Variants in VPS13D observed in about 807,000 individuals in gnomAD.
VPS13D encodes vacuolar protein sorting 13 homolog D.
Under a neutral mutation model 461.9 loss-of-function variants are expected in VPS13D, and 187 were observed. That is an observed-to-expected ratio of 0.40 (90% CI 0.36 to 0.46). The LOEUF (loss-of-function observed/expected upper bound fraction) is 0.46, where lower values mean the gene tolerates loss of function less well. Ranked by LOEUF, VPS13D falls within the 20% of genes least tolerant of loss-of-function variation. The probability of loss-of-function intolerance (pLI) is 0.60; values close to 1 mark genes in which losing one functional copy is unlikely to be tolerated. For missense variants in VPS13D, 4,711 were observed against 5,364.9 expected, an observed-to-expected ratio of 0.88 and a Z score of 3.81; for synonymous variants, 1,951 against 1,986.3, an observed-to-expected ratio of 0.98 and a Z score of 0.47.
intron 39 of VPS13D, 83 bp from the exon 40 acceptor site, chr1:12,338,148 T>C: frequency 8.1e-7 from 1 of 1,239,718 alleles, no homozygotes. Context: ...ATGTTCTCTA[T>C]TTGTGCTTAT....
Position 12,369,652 on chromosome 1 carries a change from G to T in VPS13D, c.10758G>T (p.Gln3586His). The T allele has an allele frequency of 6.2e-7, 1 of 1,614,156 alleles. No individual in the cohort carries two copies. The highest frequency in any genetic ancestry group is 8.5e-7 in the Non-Finnish European group (1 of 1,180,028). The change falls in exon 54 of 70, where the codon CAG (glutamine) becomes CAT (histidine). Residue 3586 changes from glutamine to histidine, a missense_variant. This residue lies in a region of VPS13D where 4,411 missense variants were observed against 4,937.8 expected (regional missense o/e 0.89). Coordinates refer to ENST00000620676, the MANE Select transcript of VPS13D (RefSeq NM_015378.4). ...CNMNDFQDNRQLYYENFIYIA... is the reference protein window; with the variant it reads ...CNMNDFQDNRHLYYENFIYIA... ...TGAATGATTTCCAGGATAATCGGCA[G>T]CTTTATTATGAAAATTTCATTTACA...
Position 12,283,285 on chromosome 1 carries a change from A to ACATG in VPS13D, c.5184_5187dup (p.Glu1730HisfsTer6). 1 of 1,614,076 alleles carries ACATG rather than the reference A, an allele frequency of 6.2e-7. No homozygotes were observed. Among genetic ancestry groups the ACATG allele is most frequent in the Non-Finnish European group, 8.5e-7 (1 of 1,179,988 alleles). ...GATATGCCTCGGTCTCTCCCTTCCC[A>ACATG]CATGGAAGAAGCTCCTAATGTCTTC... On this transcript the variant is annotated frameshift_variant, in exon 21 of 70. Transcript: ENST00000620676. LOFTEE classifies it high-confidence loss of function.
intron 67 of VPS13D, among the ~76,000 whole-genome samples, chr1:12,476,960 G>A (rs1257468770): frequency 6.6e-6 from 1 of 152,202 alleles, no homozygotes; most frequent in South Asian, 2.1e-4. Flanking sequence ...AGGAGGAAGC[G>A]TGACTTTTCA....
At chr1:12,275,102 C>G (rs1281441600) in intron 18 of VPS13D, among the ~76,000 whole-genome samples, 1 of 152,136 alleles carries the variant, frequency 6.6e-6, no homozygotes, top group East Asian at 1.9e-4. Flanking sequence ...ACATGTAATC[C>G]CAGCTGTCCG....
intron 40 of VPS13D, 41 bp from the exon 41 acceptor site, chr1:12,341,739 G>A: frequency 1.3e-6 from 2 of 1,593,448 alleles, no homozygotes; most frequent in Non-Finnish European, 1.7e-6. Context: ...CTGCCATGCA[G>A]ATAGGGGCGT....
chr1:12,271,874 G>A (rs1641452478), intron 17 of VPS13D, among the ~76,000 whole-genome samples: 1 of 152,108 alleles, frequency 6.6e-6, no homozygotes, highest in African/African-American at 2.4e-5. Context: ...CCATAGATAG[G>A]GAGGGCCAAG....
intron 67 of VPS13D, among the ~76,000 whole-genome samples, chr1:12,494,314 G>T (rs1427061509): frequency 6.6e-6 from 1 of 152,126 alleles, no homozygotes; most frequent in Non-Finnish European, 1.5e-5. Flanking sequence ...CTGATGTTTT[G>T]GTGGGTTTGC....
chr1:12,482,450 T>C (rs974430184), intron 67 of VPS13D, among the ~76,000 whole-genome samples: 17 of 152,274 alleles, frequency 1.1e-4, no homozygotes, highest in African/African-American at 4.1e-4. Context: ...GAATGCTCTC[T>C]GTATCATCTT....
intron 60 of VPS13D, among the ~76,000 whole-genome samples, chr1:12,393,031 A>G (rs933674533): frequency 2.0e-5 from 3 of 152,198 alleles, no homozygotes; most frequent in Admixed American, 6.5e-5. Flanking sequence ...TGTAGGAGGG[A>G]CCAAACGCAG....
rs1645886565 is a variant in VPS13D at position 12,491,861 on chromosome 1, C to CGCA, written c.12663-5633_12663-5631dup. 3.9e-5 allele frequency among the ~76,000 whole-genome samples: 6 copies of CGCA among 152,294 alleles called. No homozygotes were observed. In the South Asian group the frequency reaches 1.2e-3, roughly 32 times the overall value. On this transcript the variant is annotated intron_variant, in intron 67 of 69. Coordinates refer to ENST00000620676, the MANE Select transcript of VPS13D (RefSeq NM_015378.4). Reference sequence around the variant, plus strand: ...TCTATACACTGTGAAATTTGTAAACCGCAGCAGCTGAGGGCTTAACATGGC... The same window carrying CGCA: ...TCTATACACTGTGAAATTTGTAAACCGCAGCAGCAGCTGAGGGCTTAACATGGC...
Position 12,249,262 on chromosome 1 carries a change from G to A in VPS13D, c.487G>A (p.Val163Ile), listed in dbSNP as rs138068119. 1.2e-6 allele frequency: 2 copies of A among 1,613,660 alleles called. No homozygotes were observed. Among genetic ancestry groups the A allele is most frequent in the African/African-American group, 2.7e-5 (2 of 74,906 alleles). ...QDVHLRFEDG[V>I]TNPSHPFAFG... is the part of the protein sequence containing the mutation. ...TGTCCATTTACGCTTTGAAGATGGT[G>A]TCACCAATCCCTCCCATCCTTTTGC... Residue 163 changes from valine (V) to isoleucine (I), a missense_variant, in exon 6 of 70, where the codon GTC (valine) becomes ATC (isoleucine). Physicochemically the swap from Val to Ile is conservative, Grantham distance 29 (BLOSUM62 3). Transcript: ENST00000620676.
intron 26 of VPS13D, among the ~76,000 whole-genome samples, chr1:12,305,771 C>T (rs141173083): frequency 7.2e-5 from 11 of 151,984 alleles, no homozygotes; most frequent in East Asian, 1.9e-4. Context: ...TACATAGATC[C>T]GAGGAATTGT....
intron 68 of VPS13D, among the ~76,000 whole-genome samples, chr1:12,503,311 C>G (rs1404247799): frequency 2.0e-5 from 3 of 152,060 alleles, no homozygotes; most frequent in Non-Finnish European, 4.4e-5. Context: ...TCCTCTTTCT[C>G]TCCTTAAAGG....
chr1:12,356,062 T>C lies in VPS13D; in HGVS notation c.9843T>C (p.Ser3281=). 1 of 1,613,280 alleles carries C rather than the reference T, an allele frequency of 6.2e-7. No homozygotes were observed. The highest frequency in any genetic ancestry group is 1.7e-5 in the Admixed American group (1 of 59,900). Reference sequence around the variant, plus strand: ...AAGGATCCTTAAAGATCTTCATTTCTGCTCCATATTGGCTGATTAACAAAA... The same window carrying C: ...AAGGATCCTTAAAGATCTTCATTTCCGCTCCATATTGGCTGATTAACAAAA... ...RAEGSLKIFI[S]APYWLINKTG... Residue 3281 remains serine, a synonymous_variant, in exon 48 of 70, where the codon TCT becomes TCC. Coordinates refer to ENST00000620676, the MANE Select transcript of VPS13D (RefSeq NM_015378.4).
At chr1:12,316,353 G>A (rs569959342) in intron 30 of VPS13D, among the ~76,000 whole-genome samples, 7 of 152,270 alleles carry the variant, frequency 4.6e-5, no homozygotes, top group Admixed American at 1.3e-4. Context: ...AACGCCTTTC[G>A]TGTCTGAAGA....
intron 56 of VPS13D, 91 bp from the exon 57 acceptor site, chr1:12,379,397 A>G (rs1644242494): frequency 1.7e-6 from 2 of 1,172,578 alleles, no homozygotes; most frequent in Non-Finnish European, 2.4e-6. Flanking sequence ...ATTAGAAGGA[A>G]GAAGAGCAAA....
chr1:12,307,460 C>T (rs1309798977), intron 26 of VPS13D, among the ~76,000 whole-genome samples: 1 of 151,928 alleles, frequency 6.6e-6, no homozygotes, highest in South Asian at 2.1e-4. Flanking sequence ...TTGTGCAGGG[C>T]CTTGTAGGGA....
intron 65 of VPS13D, among the ~76,000 whole-genome samples, chr1:12,442,326 C>G (rs951837815): frequency 6.6e-6 from 1 of 152,026 alleles, no homozygotes; most frequent in Non-Finnish European, 1.5e-5. Context: ...ATATTTTATA[C>G]ATTGTATAGC....
chr1:12,407,593 G>T (rs753903970), intron 63 of VPS13D, among the ~76,000 whole-genome samples: 1 of 152,106 alleles, frequency 6.6e-6, no homozygotes, highest in Non-Finnish European at 1.5e-5. Context: ...CCCTCATCTC[G>T]ACTTTGACTG....
Sources: allele counts gnomAD v4.1 joint callset (sites outside exome capture counted in the v4.1 genomes callset), GRCh38; gene constraint gnomAD v4.1.1; regional missense constraint gnomAD v4.1.1; transcripts MANE v1.5; gene names NCBI Gene and HGNC (gene_info 2026-07-23, HGNC 2026-07-21).